Variants in DPP6 observed in about 807,000 individuals in gnomAD.
The protein encoded by DPP6 is A-type potassium channel modulatory protein DPP6.
DPP6 carries 69 observed loss-of-function variants against 122.6 expected under a neutral mutation model. The ratio of observed to expected loss-of-function variants is 0.56; its 90% CI spans 0.46 to 0.69. The LOEUF is 0.69. Among genes scored for constraint, DPP6 ranks in the 30% least tolerant of loss-of-function variants. DPP6 has a pLI of 0.00. For missense variants in DPP6, 928 were observed against 1,116.9 expected (o/e 0.83, Z 2.41); for synonymous variants, 418 against 433.1 (o/e 0.97, Z 0.43).
At chr7:154,240,670 T>A (rs921955101) in intron 1 of DPP6, among the ~76,000 whole-genome samples, 1 of 152,196 alleles carries the variant, frequency 6.6e-6, no homozygotes, top group Non-Finnish European at 1.5e-5. Context: ...TTTGGTGATA[T>A]AGTCCAAGCT....
At chr7:154,299,257 A>G (rs1190514554) in intron 1 of DPP6, among the ~76,000 whole-genome samples, 1 of 152,216 alleles carries the variant, frequency 6.6e-6, no homozygotes, top group Non-Finnish European at 1.5e-5. Flanking sequence ...CTGACCACGC[A>G]GACCCAGCAG....
chr7:153,912,302 C>T (rs768927734), intron 1 of DPP6, among the ~76,000 whole-genome samples: 4 of 152,058 alleles, frequency 2.6e-5, no homozygotes, highest in African/African-American at 7.3e-5. Flanking sequence ...GAACTGGAAC[C>T]GTCGCAAAGG....
intron 7 of DPP6, among the ~76,000 whole-genome samples, chr7:154,726,704 G>A (rs1461202051): frequency 1.3e-5 from 2 of 152,188 alleles, no homozygotes; most frequent in Non-Finnish European, 2.9e-5. Flanking sequence ...GCAAATTTCT[G>A]TAGCAGGCTT....
rs141802791 is a variant in DPP6, at chr7:154,839,103, T to C, written c.1667-14677T>C. 5.3e-4 allele frequency among the ~76,000 whole-genome samples: 80 copies of C among 152,226 alleles called. No homozygotes were observed. In the East Asian group the frequency reaches 0.013, roughly 24 times the overall value. ...TAGTAATAAGAACAAGAAATACAGA[T>C]AAGAATGCAAATAATAACAATACTA... On this transcript the variant is annotated intron_variant, in intron 16 of 25. Coordinates refer to ENST00000377770, the MANE Select transcript of DPP6 (RefSeq NM_130797.4).
intron 1 of DPP6, among the ~76,000 whole-genome samples, chr7:154,324,256 C>T (rs1261507915): frequency 1.3e-5 from 2 of 152,218 alleles, no homozygotes. Flanking sequence ...GATGTCTGCT[C>T]CTAGCCTTTC....
chr7:153,982,903 C>G (rs1474238977), intron 1 of DPP6, among the ~76,000 whole-genome samples: 1 of 151,998 alleles, frequency 6.6e-6, no homozygotes, highest in East Asian at 1.9e-4. Flanking sequence ...TTGCTGCCTG[C>G]TTCTTCTTCT....
At chr7:154,337,965 G>A (rs577491092) in intron 1 of DPP6, among the ~76,000 whole-genome samples, 1 of 152,318 alleles carries the variant, frequency 6.6e-6, no homozygotes, top group Non-Finnish European at 1.5e-5. Flanking sequence ...GCAGGCCACA[G>A]GAGAAGGTGA....
At chr7:154,290,873 T>C (rs1159397979) in intron 1 of DPP6, among the ~76,000 whole-genome samples, 4 of 152,112 alleles carry the variant, frequency 2.6e-5, no homozygotes, top group Non-Finnish European at 4.4e-5. Flanking sequence ...TTGGAGCCCT[T>C]CAAAGCCAAG....
At chr7:154,535,308 G>T (rs1392767936) in intron 3 of DPP6, among the ~76,000 whole-genome samples, 2 of 151,510 alleles carry the variant, frequency 1.3e-5, no homozygotes, top group East Asian at 3.9e-4. Context: ...TGACATTGAG[G>T]TAGGCAAAAA....
At chr7:154,584,879 C>A (rs1832334698) in intron 5 of DPP6, among the ~76,000 whole-genome samples, 1 of 152,198 alleles carries the variant, frequency 6.6e-6, no homozygotes, top group African/African-American at 2.4e-5. Context: ...TTCCTGATTT[C>A]AATTTAAAAG....
intron 1 of DPP6, among the ~76,000 whole-genome samples, chr7:154,100,748 C>G (rs1805671687): frequency 9.8e-6 from 1 of 101,718 alleles, no homozygotes; most frequent in African/African-American, 3.6e-5. Context: ...AGCAGTTAAC[C>G]CACGCATCCA....
At chr7:154,889,036 G>A (rs990953493) in intron 23 of DPP6, among the ~76,000 whole-genome samples, 22 of 152,164 alleles carry the variant, frequency 1.4e-4, no homozygotes, top group Non-Finnish European at 5.9e-5. Flanking sequence ...CCCACAACTC[G>A]TGGGAATTAT....
intron 1 of DPP6, among the ~76,000 whole-genome samples, chr7:154,201,410 T>G (rs1406827245): frequency 2.0e-5 from 3 of 152,208 alleles, no homozygotes; most frequent in Non-Finnish European, 2.9e-5. Flanking sequence ...ATTACAGATG[T>G]GAGCCACCAC....
intron 3 of DPP6, among the ~76,000 whole-genome samples, chr7:154,496,393 A>G (rs900157914): frequency 2.0e-5 from 3 of 152,262 alleles, no homozygotes; most frequent in Non-Finnish European, 4.4e-5. Flanking sequence ...AAGGGGAGCT[A>G]TGTGAGTCCA....
intron 3 of DPP6, among the ~76,000 whole-genome samples, chr7:154,522,702 A>AG (rs1296993835): frequency 1.3e-5 from 2 of 151,438 alleles, no homozygotes; most frequent in African/African-American, 4.9e-5. Context: ...ACACGAGAAA[A>AG]AAAAATTGGA....
At chr7:154,441,911 A>G (rs1819409255) in intron 1 of DPP6, among the ~76,000 whole-genome samples, 1 of 152,212 alleles carries the variant, frequency 6.6e-6, no homozygotes, top group East Asian at 1.9e-4. Flanking sequence ...CAGAAAAGGT[A>G]TAGCTTGGTT....
Position 154,241,930 on chromosome 7 carries a change from C to G in DPP6, c.243+188867C>G, listed in dbSNP as rs1801648224. ...CTGGCATTCACAGAGGGCTGAGTTT[C>G]TAGTAGATGTTAATCAAATTCTTTG... On this transcript the variant is annotated intron_variant, in intron 1 of 25. Transcript: ENST00000377770. The surrounding 1 kb of genome is among the most constrained non-coding windows in gnomAD (Gnocchi z 9.0). 6.6e-6 allele frequency among the ~76,000 whole-genome samples: 1 copy of G among 152,154 alleles called. No individual in the cohort carries two copies. The highest frequency in any genetic ancestry group is 1.5e-5 in the Non-Finnish European group (1 of 68,026).
At chr7:154,637,790 G>T (rs1050238298) in intron 5 of DPP6, 31 bp from the exon 6 acceptor site, 3 of 1,552,716 alleles carry the variant, frequency 1.9e-6, no homozygotes, top group Non-Finnish European at 2.6e-6. Context: ...TTGTCTCAAT[G>T]CCTACCTTTT....
At chr7:154,873,153 T>C (rs1365168280) in intron 19 of DPP6, among the ~76,000 whole-genome samples, 3 of 152,238 alleles carry the variant, frequency 2.0e-5, no homozygotes, top group South Asian at 2.1e-4. Context: ...CTTTCTTATA[T>C]TCATTAATAA....
Sources: allele counts gnomAD v4.1 joint callset (sites outside exome capture counted in the v4.1 genomes callset), GRCh38; gene constraint gnomAD v4.1.1; non-coding constraint Gnocchi (gnomAD v3.1); transcripts MANE v1.5; gene names NCBI Gene and HGNC (gene_info 2026-07-23, HGNC 2026-07-21).